The following PCDHA4 variants were observed in gnomAD, a reference collection of about 807,000 sequenced individuals.
PCDHA4 encodes the protein protocadherin alpha-4.
Under a neutral mutation model 61.4 loss-of-function variants are expected in PCDHA4, and 49 were observed. That is an observed-to-expected ratio of 0.80 (90% CI 0.63 to 1.01). The LOEUF (loss-of-function observed/expected upper bound fraction) is 1.01. PCDHA4 is among the 50% of genes least tolerant of loss of function. PCDHA4 has a pLI of 0.00. For synonymous variants in PCDHA4, 590 were observed against 550.3 expected, an observed-to-expected ratio of 1.07 and a Z score of -1.01; for missense variants, 1,254 against 1,235.8, an observed-to-expected ratio of 1.01 and a Z score of -0.22.
At chr5:140,877,511 C>G in intron 1 of PCDHA4, 1 of 1,613,808 alleles carries the variant, frequency 6.2e-7, no homozygotes, top group South Asian at 1.1e-5. Context: ...AAGACGTCGT[C>G]GCGGGCCTCA....
chr5:140,999,249 G>A (rs1162368060), intron 3 of PCDHA4, among the ~76,000 whole-genome samples: 1 of 152,066 alleles, frequency 6.6e-6, no homozygotes, highest in Non-Finnish European at 1.5e-5. Context: ...AGTGGGAGTT[G>A]GATTAGTAAA....
At position 140,840,157 on chromosome 5, in the gene PCDHA4, G is replaced by T. The variant is rs1313215896; in HGVS notation, c.2385+30585G>T. 2.0e-5 allele frequency among the ~76,000 whole-genome samples: 3 copies of T among 151,986 alleles called. No homozygotes were observed. The East Asian group carries it at 5.8e-4, about 29-fold the overall frequency. ...AGAAATTATCACACGTGAAAGGAGA[G>T]ATGGGATGTATACAAATTTTAAATA... On this transcript the variant is annotated intron_variant, in intron 1 of 3. Transcript: ENST00000530339.
chr5:140,877,994 G>A lies in PCDHA4; in HGVS notation c.2385+68422G>A, dbSNP rs1349448705. On this transcript the variant is annotated intron_variant, in intron 1 of 3. Coordinates refer to ENST00000530339, the MANE Select transcript of PCDHA4 (RefSeq NM_018907.4). Reference sequence around the variant, plus strand: ...ATTCTTACTCATTTTGAACTTTTATGTATTTGTCTAACATTAATGAAGGAA... The same window carrying A: ...ATTCTTACTCATTTTGAACTTTTATATATTTGTCTAACATTAATGAAGGAA... The A allele has an allele frequency of 8.3e-6, 9 of 1,078,340 alleles. No homozygotes were observed. The Admixed American group carries it at 1.0e-4, about 12-fold the overall frequency. 66.8% of individuals were successfully genotyped at this position (1,078,340 alleles called of 1,614,324 possible). A position where few individuals can be genotyped will look rare whatever the true frequency, so the allele number is the denominator to read the frequency against.
rs2043502208 is a variant in PCDHA4 at position 140,855,508 on chromosome 5, C to T, written c.2385+45936C>T. ...AGTGTCTAAATAAACCTTATTAAATCTCAAAATAATGAGAAAGAGAAGTAA... is the reference window on the plus strand; with the variant it reads ...AGTGTCTAAATAAACCTTATTAAATTTCAAAATAATGAGAAAGAGAAGTAA... On this transcript the variant is annotated intron_variant, in intron 1 of 3. Transcript: ENST00000530339. 1.3e-5 allele frequency among the ~76,000 whole-genome samples: 2 copies of T among 149,732 alleles called. 1 individual carries two copies. The highest frequency in any genetic ancestry group is 3.0e-5 in the Non-Finnish European group (2 of 67,030).
At chr5:140,882,755 G>A in intron 1 of PCDHA4, 2 of 1,614,230 alleles carry the variant, frequency 1.2e-6, no homozygotes, top group Non-Finnish European at 1.7e-6. Context: ...TGCAGATATT[G>A]GAGTAAACTC....
chr5:140,815,543 ATAGT>A (rs1234366638), intron 1 of PCDHA4: 1 of 124,338 alleles, frequency 8.0e-6, no homozygotes, highest in East Asian at 2.3e-4. Flanking sequence ...ACATTATTTT[ATAGT>A]TAGTTTTTCT....
intron 1 of PCDHA4, chr5:140,927,351 G>A (rs782202644): frequency 1.4e-5 from 23 of 1,614,054 alleles, no homozygotes; most frequent in Non-Finnish European, 1.9e-5. Flanking sequence ...ATGACGACGA[G>A]GGAAGCAATG....
At chr5:140,822,961 C>T (rs1220771732) in intron 1 of PCDHA4, 20 of 1,614,146 alleles carry the variant, frequency 1.2e-5, no homozygotes, top group Non-Finnish European at 1.7e-5. Context: ...TCCCTTCAAG[C>T]TGGTGTCCAC....
intron 1 of PCDHA4, among the ~76,000 whole-genome samples, chr5:140,820,863 C>T (rs1201263924): frequency 1.3e-5 from 2 of 151,812 alleles, no homozygotes; most frequent in South Asian, 2.1e-4. Context: ...TATCTAGATG[C>T]TTCTAATTTG....
intron 1 of PCDHA4, among the ~76,000 whole-genome samples, chr5:140,950,426 AC>A (rs386419652): frequency 1.3e-5 from 2 of 151,870 alleles, no homozygotes; most frequent in Admixed American, 6.6e-5. Flanking sequence ...ATTTTCTTCC[AC>A]TTAAAAAAAA....
intron 1 of PCDHA4, among the ~76,000 whole-genome samples, chr5:140,938,387 A>G (rs2092042874): frequency 6.6e-6 from 1 of 152,220 alleles, no homozygotes. Flanking sequence ...AATATTTAAT[A>G]TGAAATACAT....
Position 140,848,404 on chromosome 5 carries a change from G to T in PCDHA4, c.2385+38832G>T, listed in dbSNP as rs2150409981. The stretch of plus-strand genomic sequence containing the variant: ...TTCACTCTCTCTGTGCTGAACGATG[G>T]CGAACACAGCAGAATGGGACTGACG... On this transcript the variant is annotated intron_variant, in intron 1 of 3. Coordinates refer to ENST00000530339, the MANE Select transcript of PCDHA4 (RefSeq NM_018907.4). 7 of 1,324,350 alleles carry T rather than the reference G, an allele frequency of 5.3e-6. 2 individuals are homozygous for T. In the Admixed American group the frequency reaches 1.3e-4, roughly 24 times the overall value. 82.0% of individuals were successfully genotyped at this position (1,324,350 alleles called of 1,614,324 possible).
At chr5:140,841,103 G>T in intron 1 of PCDHA4, 2 of 582,476 alleles carry the variant, frequency 3.4e-6, no homozygotes, top group Non-Finnish European at 5.9e-6. Context: ...AGATATTGCG[G>T]AAGTAATTCA....
intron 1 of PCDHA4, among the ~76,000 whole-genome samples, chr5:140,912,146 T>G (rs1248730371): frequency 6.6e-6 from 1 of 152,202 alleles, no homozygotes; most frequent in Admixed American, 6.5e-5. Flanking sequence ...CATGTTCTTC[T>G]GCCTGTTTTT....
intron 1 of PCDHA4, chr5:140,967,118 C>T: frequency 6.2e-7 from 1 of 1,612,940 alleles, no homozygotes; most frequent in Non-Finnish European, 8.5e-7. Context: ...GCCTCGCTGC[C>T]TGCTCAGCTT....
In PCDHA4 at chr5:140,808,061, A is replaced by G; in HGVS notation, c.874A>G (p.Lys292Glu). ...TGATATTTCGCCAAATGTGAAATCC[A>G]AGTTTCACATAGATCCAATTACTGG... ...SNDISPNVKS[K>E]FHIDPITGQI... is the part of the protein sequence containing the mutation. The change falls in exon 1 of 4, where the codon AAG (lysine) becomes GAG (glutamate). Residue 292 changes from lysine (K) to glutamate (E), a missense_variant. By Grantham distance (56) the Lys-to-Glu change is moderately conservative (BLOSUM62 1). Transcript: ENST00000530339. 1 of 1,613,852 alleles carries G rather than the reference A, an allele frequency of 6.2e-7. No individual in the cohort carries two copies. The highest frequency in any genetic ancestry group is 1.1e-5 in the South Asian group (1 of 91,068).
At chr5:140,897,339 C>G (rs1373496877) in intron 1 of PCDHA4, among the ~76,000 whole-genome samples, 14 of 121,352 alleles carry the variant, frequency 1.2e-4, no homozygotes, top group African/African-American at 4.4e-4. Context: ...CCCCCTCCCC[C>G]CACCCCACAA....
chr5:140,983,806 G>T (rs981942088), intron 3 of PCDHA4, among the ~76,000 whole-genome samples: 1 of 152,110 alleles, frequency 6.6e-6, no homozygotes, highest in Non-Finnish European at 1.5e-5. Flanking sequence ...GTGTGTAAAA[G>T]GTTTTTTCCC....
rs2098421094 is a variant in PCDHA4 at position 141,011,574 on chromosome 5, TAAATC to T, written c.*1640_*1644del. ...GAAAGACACAGTAAAATTTCTTTCT[TAAATC>T]AAGATACTGGTGATTCAAGGAATTT... On this transcript the variant is annotated 3_prime_UTR_variant, in exon 4 of 4. Transcript: ENST00000530339. 1.3e-5 allele frequency: 2 copies of T among 153,802 alleles called. No individual in the cohort carries two copies. 9.5% of individuals were successfully genotyped at this position (153,802 alleles called of 1,614,324 possible).
Sources: gnomAD v4.1 joint callset for allele counts (sites outside exome capture counted in the v4.1 genomes callset) on GRCh38, gnomAD v4.1.1 for gene constraint, MANE v1.5 for transcripts, NCBI Gene and HGNC (gene_info 2026-07-23, HGNC 2026-07-21) for gene names.